DCDC2: variants seen among roughly 807,000 people sequenced by gnomAD.
DCDC2 encodes the protein doublecortin domain-containing protein 2.
DCDC2 carries 40 observed loss-of-function variants against 50.2 expected under a neutral mutation model. The ratio of observed to expected loss-of-function variants is 0.80; its 90% CI spans 0.62 to 1.04. DCDC2 has a LOEUF of 1.04. DCDC2 is among the 50% of genes least tolerant of loss of function. The pLI is 0.00. For synonymous variants in DCDC2, 234 were observed against 210.6 expected, an observed-to-expected ratio of 1.11 and a Z score of -0.96; for missense variants, 570 against 581.9, an observed-to-expected ratio of 0.98 and a Z score of 0.21.
At chr6:24,240,409 C>T (rs1762541675) in intron 7 of DCDC2, among the ~76,000 whole-genome samples, 1 of 152,114 alleles carries the variant, frequency 6.6e-6, no homozygotes, top group African/African-American at 2.4e-5. Flanking sequence ...AGAGTTTTTC[C>T]ATGGTGTTTT....
intron 8 of DCDC2, among the ~76,000 whole-genome samples, chr6:24,201,961 C>T (rs1761598763): frequency 1.3e-5 from 2 of 152,008 alleles, no homozygotes; most frequent in South Asian, 4.2e-4. Flanking sequence ...CCTGAATAGA[C>T]CGATGATAAA....
At chr6:24,325,496 G>A (rs1420730026) in intron 2 of DCDC2, among the ~76,000 whole-genome samples, 8 of 149,338 alleles carry the variant, frequency 5.4e-5, no homozygotes, top group African/African-American at 1.7e-4. Flanking sequence ...TGAAGATGTC[G>A]CAAGGGAGAC....
chr6:24,381,803 A>AAGGAAGGAAGG, the DCDC2 span, among the ~76,000 whole-genome samples: 17 of 67,272 alleles, frequency 2.5e-4, no homozygotes, highest in African/African-American at 6.9e-4. Flanking sequence ...GGAAGGAAAG[A>AAGGAAGGAAGG]AAGGAAGGAA....
At chr6:24,353,655 G>A in intron 1 of DCDC2, 32 bp from the exon 2 acceptor site, 1 of 1,370,258 alleles carries the variant, frequency 7.3e-7, no homozygotes, top group Non-Finnish European at 1.0e-6. Flanking sequence ...AATAAGAGTT[G>A]CTTTTATAGA....
chr6:24,318,250 T>C (rs2113849820), intron 2 of DCDC2, among the ~76,000 whole-genome samples: 1 of 152,176 alleles, frequency 6.6e-6, no homozygotes, highest in Non-Finnish European at 1.5e-5. Flanking sequence ...AGAAACAACC[T>C]AAATGTCCAT....
At chr6:24,381,240 G>C in the DCDC2 span, among the ~76,000 whole-genome samples, 26 of 152,232 alleles carry the variant, frequency 1.7e-4, no homozygotes, top group East Asian at 7.7e-4. Flanking sequence ...TGTATGTGTG[G>C]TGAGAACACT....
intron 7 of DCDC2, among the ~76,000 whole-genome samples, chr6:24,259,832 A>G (rs1370953890): frequency 2.6e-5 from 4 of 152,060 alleles, no homozygotes; most frequent in South Asian, 2.1e-4. Context: ...GTAATATCCT[A>G]CCTTGACTTA....
chr6:24,262,678 A>C (rs2113807285), intron 7 of DCDC2, among the ~76,000 whole-genome samples: 1 of 152,358 alleles, frequency 6.6e-6, no homozygotes. Flanking sequence ...CAGCCACAGT[A>C]GGATAGGGTG....
In DCDC2 at chr6:24,357,548, G is replaced by C; in HGVS notation, c.203C>G (p.Pro68Arg). Residue 68 changes from proline (P) to arginine (R), a missense_variant, in exon 1 of 10, where the codon CCG (proline) becomes CGG (arginine). Pro to Arg is a moderately radical substitution (Grantham distance 103, BLOSUM62 -2). Coordinates refer to ENST00000378454, the MANE Select transcript of DCDC2 (RefSeq NM_016356.5). ...PFGAVRNIYT[P>R]RTGHRIRKLD... The stretch of plus-strand genomic sequence containing the variant: ...CTTCCGGATTCGGTGGCCAGTCCGC[G>C]GGGTGTAGATGTTCCTGACGGCCCC... 1 of 1,613,530 alleles carries C rather than the reference G, an allele frequency of 6.2e-7. No individual in the cohort carries two copies. The highest frequency in any genetic ancestry group is 8.5e-7 in the Non-Finnish European group (1 of 1,180,030).
chr6:24,357,917 C>T lies in DCDC2; in HGVS notation c.-167G>A, dbSNP rs371896526. On this transcript the variant is annotated 5_prime_UTR_variant, in exon 1 of 10. The change creates a new upstream start codon in the 5' untranslated region. Transcript: ENST00000378454. ...TAACGGCCGTGCGCCTAGGCGTCCACCCAGAGGAGACACTAGGAGCTTGCA... is the reference window on the plus strand; with the variant it reads ...TAACGGCCGTGCGCCTAGGCGTCCATCCAGAGGAGACACTAGGAGCTTGCA... 1.2e-5 allele frequency: 18 copies of T among 1,525,268 alleles called. No individual in the cohort carries two copies. In the African/African-American group the frequency reaches 1.9e-4, roughly 16 times the overall value. The allele number at this position is 1,525,268 out of a possible 1,614,324, so 94.5% of individuals were successfully genotyped here. A position where few individuals can be genotyped will look rare whatever the true frequency, so the allele number is the denominator to read the frequency against.
chr6:24,257,373 A>C (rs1762915934), intron 7 of DCDC2, among the ~76,000 whole-genome samples: 1 of 152,184 alleles, frequency 6.6e-6, no homozygotes, highest in African/African-American at 2.4e-5. Context: ...AAAGACAATA[A>C]TAAGCAGGAG....
chr6:24,305,795 G>GGT (rs1554117947), intron 2 of DCDC2, among the ~76,000 whole-genome samples: 4 of 106,482 alleles, frequency 3.8e-5, no homozygotes, highest in African/African-American at 2.2e-4. Context: ...GGGAGGCCAA[G>GGT]GGGGGGTGGA....
At chr6:24,212,238 G>A (rs921843056) in intron 7 of DCDC2, among the ~76,000 whole-genome samples, 2 of 152,122 alleles carry the variant, frequency 1.3e-5, no homozygotes, top group Non-Finnish European at 2.9e-5. Flanking sequence ...CACAAAACTG[G>A]TCCCTGGTGC....
intron 7 of DCDC2, among the ~76,000 whole-genome samples, chr6:24,242,607 G>A (rs563111082): frequency 2.6e-5 from 4 of 152,130 alleles, no homozygotes; most frequent in Non-Finnish European, 2.9e-5. Context: ...TGAGCTTGCC[G>A]AGGACAGACT....
chr6:24,372,133 G>C, the DCDC2 span, among the ~76,000 whole-genome samples: 38 of 152,250 alleles, frequency 2.5e-4, no homozygotes, highest in African/African-American at 9.1e-4. Context: ...ATACCCAAAG[G>C]ATTATAGGCC....
chr6:24,327,185 C>T (rs80210046), intron 2 of DCDC2, among the ~76,000 whole-genome samples: 4,257 of 149,556 alleles, frequency 0.028, 366 homozygotes, highest in Middle Eastern at 0.048. Context: ...CCAAGTGTTG[C>T]TTTCGTCACC....
intron 7 of DCDC2, among the ~76,000 whole-genome samples, chr6:24,264,674 GAAAATTGTCTTCACTA>G (rs1763080199): frequency 6.6e-6 from 1 of 151,494 alleles, no homozygotes; most frequent in Non-Finnish European, 1.5e-5. Context: ...TACCACCAGA[GAAAATTGTCTTCACTA>G]AAAGGAAGAC....
chr6:24,226,982 G>T (rs1045655496), intron 7 of DCDC2, among the ~76,000 whole-genome samples: 1 of 152,212 alleles, frequency 6.6e-6, no homozygotes, highest in African/African-American at 2.4e-5. Flanking sequence ...GATTTGGAGT[G>T]TAGAGATACC....
intron 2 of DCDC2, among the ~76,000 whole-genome samples, chr6:24,329,748 A>G (rs1759934675): frequency 6.6e-6 from 1 of 152,196 alleles, no homozygotes; most frequent in Non-Finnish European, 1.5e-5. Flanking sequence ...TCCCACATGA[A>G]ACATTCTTTC....
Sources: gnomAD v4.1 joint callset for allele counts (sites outside exome capture counted in the v4.1 genomes callset) on GRCh38, gnomAD v4.1.1 for gene constraint, MANE v1.5 for transcripts, NCBI Gene and HGNC (gene_info 2026-07-23, HGNC 2026-07-21) for gene names.